Variants in NRXN1 observed in about 807,000 individuals in gnomAD.
NRXN1 encodes neurexin 1.
A neutral mutation model predicts 150.9 loss-of-function variants in NRXN1; 39 were observed. The ratio of observed to expected loss-of-function variants is 0.26; its 90% CI spans 0.20 to 0.34. The LOEUF (loss-of-function observed/expected upper bound fraction) is 0.34. Ranked by LOEUF, NRXN1 falls within the 10% of genes least tolerant of loss-of-function variation. NRXN1 has a pLI of 1.00. For synonymous variants in NRXN1, 924 were observed against 757.0 expected (o/e 1.22, Z -3.62); for missense variants, 1,815 against 1,949.9 (o/e 0.93, Z 1.30).
chr2:50,084,003 T>C (rs1292528368), intron 19 of NRXN1, among the ~76,000 whole-genome samples: 3 of 152,138 alleles, frequency 2.0e-5, no homozygotes, highest in South Asian at 2.1e-4. Flanking sequence ...ATCCCTTAGC[T>C]AGACATAAAG....
intron 10 of NRXN1, among the ~76,000 whole-genome samples, chr2:50,536,286 G>C (rs1409720254): frequency 6.6e-6 from 1 of 152,162 alleles, no homozygotes; most frequent in Non-Finnish European, 1.5e-5. Context: ...ACCCAAAAAT[G>C]CATACAGCCA....
chr2:50,166,858 G>T (rs2059718550), intron 18 of NRXN1, among the ~76,000 whole-genome samples: 1 of 152,080 alleles, frequency 6.6e-6, no homozygotes, highest in African/African-American at 2.4e-5. Flanking sequence ...GGATTAATTG[G>T]AAGACATGAA....
rs1323306682 is a variant in NRXN1 at position 50,522,719 on chromosome 2, C to CCTTTTTTTTTTTTTTTT, written c.2374+5905_2374+5906insAAAAAAAAAAAAAAAAG. On this transcript the variant is annotated intron_variant, in intron 12 of 22. Transcript: ENST00000401669. Reference sequence around the variant, plus strand: ...TTCCATTTATTCATTTATTTTTATTCATTTTTTTTTTTTTTTTTTTTTTTT... The same window carrying CCTTTTTTTTTTTTTTTT: ...TTCCATTTATTCATTTATTTTTATTCCTTTTTTTTTTTTTTTTATTTTTTTTTTTTTTTTTTTTTTTT... 3.0e-4 allele frequency among the ~76,000 whole-genome samples: 26 copies of CCTTTTTTTTTTTTTTTT among 86,556 alleles called. 11 individuals are homozygous for CCTTTTTTTTTTTTTTTT. The highest frequency in any genetic ancestry group is 7.2e-4 in the African/African-American group (12 of 16,772). The allele number at this position is 86,556 out of a possible 152,430, so 56.8% of individuals were successfully genotyped here. A position where few individuals can be genotyped will look rare whatever the true frequency, so the allele number is the denominator to read the frequency against.
intron 5 of NRXN1, among the ~76,000 whole-genome samples, chr2:50,821,035 A>G (rs1401877179): frequency 6.6e-6 from 1 of 152,106 alleles, no homozygotes; most frequent in African/African-American, 2.4e-5. Context: ...CCCCAACAAC[A>G]TATTTATTTA....
At chr2:50,474,706 A>T (rs1178756203) in intron 15 of NRXN1, among the ~76,000 whole-genome samples, 1 of 147,116 alleles carries the variant, frequency 6.8e-6, no homozygotes, top group East Asian at 2.1e-4. Context: ...AAAAAAAAAA[A>T]GTCCAACCTA....
At chr2:50,110,663 G>C (rs1702264752) in intron 18 of NRXN1, among the ~76,000 whole-genome samples, 1 of 152,044 alleles carries the variant, frequency 6.6e-6, no homozygotes. Context: ...ATAAAAAATT[G>C]ATAGCACATA....
At position 50,495,989 on chromosome 2, in the gene NRXN1, C is replaced by T. The variant is rs2091591669; in HGVS notation, c.2986G>A (p.Asp996Asn). 2 of 1,613,580 alleles carry T rather than the reference C, an allele frequency of 1.2e-6. No individual in the cohort carries two copies. Among genetic ancestry groups the T allele is most frequent in the South Asian group, 1.1e-5 (1 of 91,044 alleles). ...TTTACAGTGTGGAGGTTGCTGGTGT[C>T]CCTTGATATCATCACGTTGTGCCAC... ...NQWHNVMISR[D>N]TSNLHTVKID... The change falls in exon 15 of 23, where the codon GAC becomes AAC. Residue 996 changes from aspartate to asparagine, a missense_variant. By Grantham distance (23) the Asp-to-Asn change is conservative. Coordinates refer to ENST00000401669, the MANE Select transcript of NRXN1 (RefSeq NM_001330078.2).
chr2:50,636,182 T>C (rs1683213820), intron 5 of NRXN1, among the ~76,000 whole-genome samples: 2 of 152,228 alleles, frequency 1.3e-5, no homozygotes, highest in South Asian at 4.1e-4. Flanking sequence ...TTTCTATTGA[T>C]GGTTTATTCT....
chr2:50,391,089 G>C (rs966265330), intron 17 of NRXN1, among the ~76,000 whole-genome samples: 1 of 151,934 alleles, frequency 6.6e-6, no homozygotes, highest in Non-Finnish European at 1.5e-5. Flanking sequence ...AAGAATTTTG[G>C]CCTCCCTAGT....
chr2:50,513,892 T>C (rs1164230960), intron 12 of NRXN1, among the ~76,000 whole-genome samples: 1 of 152,022 alleles, frequency 6.6e-6, no homozygotes. Context: ...TGTAAACTCA[T>C]TGCATCTCTA....
intron 21 of NRXN1, among the ~76,000 whole-genome samples, chr2:49,962,477 T>C (rs1027773578): frequency 6.6e-6 from 1 of 152,228 alleles, no homozygotes; most frequent in Non-Finnish European, 1.5e-5. Context: ...ATGTAATGCC[T>C]GAAACTAGTG....
At chr2:50,840,840 C>T (rs887884285) in intron 5 of NRXN1, among the ~76,000 whole-genome samples, 8 of 152,134 alleles carry the variant, frequency 5.3e-5, no homozygotes, top group East Asian at 1.9e-4. Context: ...TGAAACATCA[C>T]GTGTTTGTCA....
chr2:49,979,341 G>C (rs1679573370), intron 21 of NRXN1, among the ~76,000 whole-genome samples: 1 of 152,172 alleles, frequency 6.6e-6, no homozygotes, highest in Admixed American at 6.6e-5. Flanking sequence ...TTGATGTTCA[G>C]TAAGAGATAA....
At chr2:49,998,764 G>A (rs1314245800) in intron 21 of NRXN1, among the ~76,000 whole-genome samples, 1 of 152,080 alleles carries the variant, frequency 6.6e-6, no homozygotes, top group African/African-American at 2.4e-5. Flanking sequence ...TTGCTGTGGT[G>A]TATGGAGCTT....
intron 18 of NRXN1, among the ~76,000 whole-genome samples, chr2:50,096,936 T>C (rs748137055): frequency 6.6e-6 from 1 of 152,166 alleles, no homozygotes; most frequent in Non-Finnish European, 1.5e-5. Context: ...AATGGTGTAA[T>C]CAATATCTTG....
rs114692766 is a variant in NRXN1 at position 50,557,355 on chromosome 2, C to T, written c.1321-4330G>A. ...GTAGTATGCAGGATGGTGAAATAAG[C>T]GACCAAAGTTAGTGTTGTTTAGATA... On this transcript the variant is annotated intron_variant, in intron 8 of 22. Coordinates refer to ENST00000401669, the MANE Select transcript of NRXN1 (RefSeq NM_001330078.2). 9.1e-3 allele frequency among the ~76,000 whole-genome samples: 1,380 copies of T among 152,228 alleles called. 6 individuals are homozygous for T. The highest frequency in any genetic ancestry group is 0.044 in the Middle Eastern group (13 of 294).
intron 21 of NRXN1, among the ~76,000 whole-genome samples, chr2:50,050,712 C>A (rs1295230082): frequency 6.6e-6 from 1 of 151,900 alleles, no homozygotes; most frequent in Non-Finnish European, 1.5e-5. Flanking sequence ...ATTGAAAAGT[C>A]AATTACGAAT....
intron 17 of NRXN1, among the ~76,000 whole-genome samples, chr2:50,330,984 AG>A (rs1015912036): frequency 6.6e-6 from 1 of 152,144 alleles, no homozygotes; most frequent in African/African-American, 2.4e-5. Context: ...TTCTGATTCT[AG>A]GGGTGTTTTT....
At chr2:50,576,339 G>T (rs978975810) in intron 8 of NRXN1, among the ~76,000 whole-genome samples, 6 of 152,060 alleles carry the variant, frequency 3.9e-5, no homozygotes, top group African/African-American at 1.4e-4. Context: ...CTCAGTAATA[G>T]ATTTTTTTTG....
Sources: allele counts gnomAD v4.1 joint callset (sites outside exome capture counted in the v4.1 genomes callset), GRCh38; gene constraint gnomAD v4.1.1; transcripts MANE v1.5; gene names NCBI Gene and HGNC (gene_info 2026-07-23, HGNC 2026-07-21).